Variants in ST6GAL1 observed in about 807,000 individuals in gnomAD.
ST6GAL1 encodes ST6 beta-galactoside alpha-2,6-sialyltransferase 1.
A neutral mutation model predicts 38.0 loss-of-function variants in ST6GAL1; 20 were observed. The ratio of observed to expected loss-of-function variants is 0.53; its 90% CI spans 0.37 to 0.77. The LOEUF is 0.77. ST6GAL1 is among the 30% of genes least tolerant of loss of function. The pLI, the probability that ST6GAL1 is intolerant of heterozygous loss-of-function variation, is 0.00. For missense variants in ST6GAL1, 432 were observed against 496.4 expected, an observed-to-expected ratio of 0.87 and a Z score of 1.23; for synonymous variants, 196 against 188.2, an observed-to-expected ratio of 1.04 and a Z score of -0.34.
chr3:187,076,800 C>T lies in ST6GAL1; in HGVS notation c.*997C>T, dbSNP rs1405595629. ...AGATATTTTTTTAGGAAACCTCCTA[C>T]CCATGTCTGAGGTAGCAAGTGCAGC... is the stretch of plus-strand genomic sequence containing the variant. On this transcript the variant is annotated 3_prime_UTR_variant, in exon 8 of 8. Coordinates refer to ENST00000169298, the MANE Select transcript of ST6GAL1 (RefSeq NM_173216.2). The T allele has an allele frequency of 2.5e-6, 1 of 398,924 alleles. No homozygotes were observed. The highest frequency in any genetic ancestry group is 4.4e-6 in the Non-Finnish European group (1 of 226,062). The allele number at this position is 398,924 out of a possible 1,614,324, so 24.7% of individuals were successfully genotyped here.
At chr3:187,019,515 C>T (rs959834307) in intron 2 of ST6GAL1, among the ~76,000 whole-genome samples, 10 of 152,086 alleles carry the variant, frequency 6.6e-5, no homozygotes, top group African/African-American at 1.4e-4. Flanking sequence ...AAATGCAATC[C>T]CTCTCTGGAC....
chr3:186,955,590 C>T (rs1213656308), intron 1 of ST6GAL1, among the ~76,000 whole-genome samples: 2 of 152,046 alleles, frequency 1.3e-5, no homozygotes, highest in South Asian at 2.1e-4. Context: ...GCAACCTCCA[C>T]CTCCCGGGTT....
At chr3:187,053,691 G>A (rs1050952937) in intron 5 of ST6GAL1, among the ~76,000 whole-genome samples, 7 of 152,104 alleles carry the variant, frequency 4.6e-5, no homozygotes, top group African/African-American at 1.4e-4. Context: ...ATGCTGTTTC[G>A]GTTACTGTAG....
chr3:186,977,018 T>G (rs1403855904), intron 2 of ST6GAL1, among the ~76,000 whole-genome samples: 5 of 152,310 alleles, frequency 3.3e-5, no homozygotes, highest in African/African-American at 1.2e-4. Flanking sequence ...ATCGGCTTGT[T>G]CTTTATAAAG....
chr3:186,987,812 A>G (rs1716006036), intron 2 of ST6GAL1, among the ~76,000 whole-genome samples: 1 of 152,042 alleles, frequency 6.6e-6, no homozygotes, highest in South Asian at 2.1e-4. Flanking sequence ...ATTTAAGGGA[A>G]TTATTATTAT....
intron 2 of ST6GAL1, among the ~76,000 whole-genome samples, chr3:187,038,140 G>T (rs371135898): frequency 2.0e-5 from 3 of 150,902 alleles, no homozygotes; most frequent in Non-Finnish European, 2.9e-5. Context: ...TCCCAGGTTG[G>T]TCCATGGTGG....
chr3:186,973,609 T>A (rs1715425049), intron 2 of ST6GAL1, among the ~76,000 whole-genome samples: 1 of 152,222 alleles, frequency 6.6e-6, no homozygotes, highest in South Asian at 2.1e-4. Context: ...ATGCCTCAGT[T>A]GCCTCACCTG....
chr3:187,020,081 G>A (rs1394846035), intron 2 of ST6GAL1, among the ~76,000 whole-genome samples: 3 of 152,042 alleles, frequency 2.0e-5, no homozygotes, highest in Admixed American at 1.3e-4. Flanking sequence ...GGTGGATCAC[G>A]AGGTCAGGAA....
At chr3:186,945,867 T>C (rs913474300) in intron 1 of ST6GAL1, among the ~76,000 whole-genome samples, 2 of 151,292 alleles carry the variant, frequency 1.3e-5, no homozygotes, top group African/African-American at 4.9e-5. Flanking sequence ...GGTGGGCACC[T>C]GCAGTCTCAG....
At chr3:187,069,981 G>T (rs12490289) in intron 5 of ST6GAL1, among the ~76,000 whole-genome samples, 4,333 of 152,188 alleles carry the variant, frequency 0.028, 85 homozygotes, top group Admixed American at 0.05. Context: ...TACTTTGTGG[G>T]TTTGCCGTTC....
chr3:187,003,136 G>C (rs1479677559), intron 2 of ST6GAL1, among the ~76,000 whole-genome samples: 1 of 152,114 alleles, frequency 6.6e-6, no homozygotes, highest in Non-Finnish European at 1.5e-5. Context: ...AGGCCTTTCA[G>C]TTTGAGTCCA....
In ST6GAL1 at chr3:187,076,354, C is replaced by T. The variant is rs1719561445; in HGVS notation, c.*551C>T. 6.2e-6 allele frequency: 1 copy of T among 160,122 alleles called. No homozygotes were observed. Among genetic ancestry groups the T allele is most frequent in the South Asian group, 1.9e-4 (1 of 5,208 alleles). The allele number at this position is 160,122 out of a possible 1,614,324, so 9.9% of individuals were successfully genotyped here. A position where few individuals can be genotyped will look rare whatever the true frequency, so the allele number is the denominator to read the frequency against. On this transcript the variant is annotated 3_prime_UTR_variant, in exon 8 of 8. Coordinates refer to ENST00000169298, the MANE Select transcript of ST6GAL1 (RefSeq NM_173216.2). ...GAGGTCCATGCCCCTGGAACGTGTT[C>T]CTATCACTCTGGCTGGTTGGGCTGG...
At chr3:187,004,211 A>C (rs1716710031) in intron 2 of ST6GAL1, among the ~76,000 whole-genome samples, 1 of 152,228 alleles carries the variant, frequency 6.6e-6, no homozygotes, top group African/African-American at 2.4e-5. Flanking sequence ...CCTCCCCGGC[A>C]AGTGAGCAGA....
chr3:187,037,859 C>CTAG (rs138513850), intron 2 of ST6GAL1, among the ~76,000 whole-genome samples: 1 of 151,674 alleles, frequency 6.6e-6, no homozygotes, highest in African/African-American at 2.4e-5. Flanking sequence ...ATGAAAACAT[C>CTAG]TATTATTACC....
intron 2 of ST6GAL1, among the ~76,000 whole-genome samples, chr3:187,035,714 G>A (rs1717907469): frequency 6.6e-6 from 1 of 152,184 alleles, no homozygotes; most frequent in South Asian, 2.1e-4. Context: ...GCAGAAGAAT[G>A]AAACTAGATC....
chr3:187,034,622 T>C (rs926470882), intron 2 of ST6GAL1, among the ~76,000 whole-genome samples: 1 of 152,172 alleles, frequency 6.6e-6, no homozygotes, highest in South Asian at 2.1e-4. Flanking sequence ...ATAAATGTGA[T>C]TCACCTCATA....
intron 5 of ST6GAL1, among the ~76,000 whole-genome samples, chr3:187,064,953 C>G (rs1266290076): frequency 2.0e-5 from 3 of 151,606 alleles, no homozygotes; most frequent in African/African-American, 7.3e-5. Flanking sequence ...CTCTGAGTGG[C>G]TTGTTCTTTT....
chr3:186,978,074 G>T (rs1312391856), intron 2 of ST6GAL1, among the ~76,000 whole-genome samples: 3 of 152,156 alleles, frequency 2.0e-5, no homozygotes, highest in Non-Finnish European at 2.9e-5. Context: ...AGCCAGGCGT[G>T]GTGGCGCACA....
rs115622805 is a variant in ST6GAL1 at position 186,997,132 on chromosome 3, G to T, written c.-183+33206G>T. Among the ~76,000 whole-genome samples, 945 of 152,074 alleles carry T rather than the reference G, an allele frequency of 6.2e-3. 9 individuals carry two copies. The highest frequency in any genetic ancestry group is 0.022 in the African/African-American group (898 of 41,468). ...GTTAAGTAATAATATAATATGGGAG[G>T]CATGGACTATCAGAGGAGGCAGGCA... On this transcript the variant is annotated intron_variant, in intron 2 of 7. Transcript: ENST00000169298.
Sources: allele counts gnomAD v4.1 joint callset (sites outside exome capture counted in the v4.1 genomes callset), GRCh38; gene constraint gnomAD v4.1.1; transcripts MANE v1.5; gene names NCBI Gene and HGNC (gene_info 2026-07-23, HGNC 2026-07-21).